DACH1: variants seen among roughly 807,000 people sequenced by gnomAD.
DACH1 encodes dachshund family transcription factor 1, also known as dachshund homolog 1.
Under a neutral mutation model 54.2 loss-of-function variants are expected in DACH1, and 12 were observed. That is an observed-to-expected ratio of 0.22 (90% CI 0.14 to 0.36). The LOEUF (loss-of-function observed/expected upper bound fraction) is 0.36, where lower values mean the gene tolerates loss of function less well. DACH1 is among the 10% of genes least tolerant of loss of function. The pLI is 1.00. For missense variants in DACH1, 805 were observed against 929.8 expected (o/e 0.87, Z 1.75); for synonymous variants, 386 against 366.2 (o/e 1.05, Z -0.62).
At chr13:71,615,175 T>C (rs1875669015) in intron 3 of DACH1, among the ~76,000 whole-genome samples, 1 of 152,122 alleles carries the variant, frequency 6.6e-6, no homozygotes, top group Admixed American at 6.5e-5. Context: ...TGTAAAGAAG[T>C]CATTATTTAA....
intron 3 of DACH1, among the ~76,000 whole-genome samples, chr13:71,603,713 C>A (rs930451261): frequency 6.6e-6 from 1 of 151,658 alleles, no homozygotes; most frequent in Non-Finnish European, 1.5e-5. Context: ...GATACTCCAA[C>A]AAATAATATT....
intron 2 of DACH1, among the ~76,000 whole-genome samples, chr13:71,674,580 G>A (rs993339389): frequency 2.0e-5 from 3 of 151,900 alleles, no homozygotes; most frequent in Non-Finnish European, 4.4e-5. Context: ...GGAAAGGACT[G>A]GATTCTCCCC....
chr13:71,846,852 GAGTGA>G, intron 1 of DACH1, among the ~76,000 whole-genome samples: 1 of 152,216 alleles, frequency 6.6e-6, no homozygotes, highest in South Asian at 2.1e-4. Context: ...CTGTTACTGG[GAGTGA>G]AGGTGACCAC....
intron 1 of DACH1, among the ~76,000 whole-genome samples, chr13:71,840,857 G>C (rs555597318): frequency 1.3e-4 from 20 of 152,216 alleles, no homozygotes; most frequent in African/African-American, 4.3e-4. Context: ...TGATGTATGG[G>C]CTTGGATGAA....
intron 1 of DACH1, among the ~76,000 whole-genome samples, chr13:71,865,200 AC>A (rs902706939): frequency 2.0e-5 from 3 of 152,064 alleles, no homozygotes; most frequent in African/African-American, 7.2e-5. Flanking sequence ...GGACACACGC[AC>A]ACATGCGCGA....
At chr13:71,576,888 A>C (rs1358762779) in intron 3 of DACH1, among the ~76,000 whole-genome samples, 1 of 152,150 alleles carries the variant, frequency 6.6e-6, no homozygotes, top group Non-Finnish European at 1.5e-5. Flanking sequence ...CTGGGTAATA[A>C]GATAAATGTC....
rs144820546 is a variant in DACH1 at position 71,676,371 on chromosome 13, C to T, written c.964+5424G>A. Among the ~76,000 whole-genome samples the T allele has an allele frequency of 7.5e-3, 1,144 of 152,254 alleles. 15 individuals carry two copies. Among genetic ancestry groups the T allele is most frequent in the African/African-American group, 0.025 (1,053 of 41,544 alleles). Reference sequence around the variant, plus strand: ...TAGCTGGAATTACAGGCACCTGCCACCATGCCCAGCTAATTTTTGTATTTT... The same window carrying T: ...TAGCTGGAATTACAGGCACCTGCCATCATGCCCAGCTAATTTTTGTATTTT... On this transcript the variant is annotated intron_variant, in intron 2 of 10. Transcript: ENST00000613252.
intron 1 of DACH1, among the ~76,000 whole-genome samples, chr13:71,696,926 A>G (rs774406937): frequency 4.9e-4 from 75 of 152,248 alleles, no homozygotes; most frequent in Admixed American, 1.2e-3. Context: ...ATTATCTCTA[A>G]AAAGAATTGA....
At chr13:71,612,568 C>T (rs761188047) in intron 3 of DACH1, among the ~76,000 whole-genome samples, 4 of 152,142 alleles carry the variant, frequency 2.6e-5, no homozygotes, top group African/African-American at 7.2e-5. Flanking sequence ...CTTCATTACA[C>T]GACCTTAAAA....
At chr13:71,796,460 T>C (rs1479783742) in intron 1 of DACH1, among the ~76,000 whole-genome samples, 1 of 152,078 alleles carries the variant, frequency 6.6e-6, no homozygotes, top group African/African-American at 2.4e-5. Context: ...CTTTAAACTA[T>C]TAACCAAATT....
chr13:71,503,170 T>C (rs1377568184), intron 6 of DACH1, among the ~76,000 whole-genome samples: 1 of 152,152 alleles, frequency 6.6e-6, no homozygotes, highest in East Asian at 1.9e-4. Flanking sequence ...AAGTATATAT[T>C]ACCAGGATCA....
chr13:71,553,887 C>A lies in DACH1; in HGVS notation c.1570+3137G>T, dbSNP rs1489982997. On this transcript the variant is annotated intron_variant, in intron 6 of 10. Coordinates refer to ENST00000613252, the MANE Select transcript of DACH1 (RefSeq NM_080759.6). Reference sequence around the variant, plus strand: ...GTTACTGATGCTTAAGATTTCAGACCACAGTGATTCTCAGAATACAAATAA... The same window carrying A: ...GTTACTGATGCTTAAGATTTCAGACAACAGTGATTCTCAGAATACAAATAA... Among the ~76,000 whole-genome samples, 5 of 151,612 alleles carry A rather than the reference C, an allele frequency of 3.3e-5. No individual in the cohort carries two copies. In the East Asian group the frequency reaches 9.7e-4, roughly 29 times the overall value.
At chr13:71,752,352 T>C (rs1457811278) in intron 1 of DACH1, among the ~76,000 whole-genome samples, 3 of 152,204 alleles carry the variant, frequency 2.0e-5, no homozygotes, top group Non-Finnish European at 4.4e-5. Flanking sequence ...TCTTGGTTTC[T>C]AGTAGCCATA....
chr13:71,588,639 A>C (rs577012730), intron 3 of DACH1, among the ~76,000 whole-genome samples: 1 of 152,180 alleles, frequency 6.6e-6, no homozygotes, highest in South Asian at 2.1e-4. Context: ...GTAATTCTGA[A>C]GTCATTTTTT....
chr13:71,557,309 A>G (rs1314580869), intron 5 of DACH1, 151 bp from the exon 6 acceptor site: 1 of 521,876 alleles, frequency 1.9e-6, no homozygotes, highest in Non-Finnish European at 3.0e-6. Flanking sequence ...CTATCCCTAA[A>G]AACACTGTGA....
chr13:71,574,560 A>G (rs1885417655), intron 3 of DACH1, among the ~76,000 whole-genome samples: 1 of 151,996 alleles, frequency 6.6e-6, no homozygotes, highest in Admixed American at 6.6e-5. Flanking sequence ...TACTGCCATG[A>G]TTTTTTTCCA....
chr13:71,854,321 A>T (rs1252356693), intron 1 of DACH1, among the ~76,000 whole-genome samples: 1 of 152,058 alleles, frequency 6.6e-6, no homozygotes, highest in Non-Finnish European at 1.5e-5. Flanking sequence ...TTCAAAAAAA[A>T]AATAAAGGTG....
At chr13:71,461,955 G>A (rs1042306871) in intron 10 of DACH1, among the ~76,000 whole-genome samples, 2 of 151,796 alleles carry the variant, frequency 1.3e-5, no homozygotes, top group Admixed American at 6.6e-5. Context: ...TGTTAAACCA[G>A]GGTATGAAAT....
intron 1 of DACH1, among the ~76,000 whole-genome samples, chr13:71,767,057 C>G (rs1885664675): frequency 6.6e-6 from 1 of 151,900 alleles, no homozygotes; most frequent in Non-Finnish European, 1.5e-5. Flanking sequence ...CATTTTTTCC[C>G]CAGTGACAGA....
Sources: gnomAD v4.1 joint callset for allele counts (sites outside exome capture counted in the v4.1 genomes callset) on GRCh38, gnomAD v4.1.1 for gene constraint, MANE v1.5 for transcripts, NCBI Gene and HGNC (gene_info 2026-07-23, HGNC 2026-07-21) for gene names.